Variants in URI1 observed in about 807,000 individuals in gnomAD.
URI1 encodes the protein unconventional prefoldin RPB5 interactor 1.
Under a neutral mutation model 60.2 loss-of-function variants are expected in URI1, and 39 were observed. That is an observed-to-expected ratio of 0.65 (90% CI 0.50 to 0.85). The LOEUF (loss-of-function observed/expected upper bound fraction) is 0.85. URI1 is among the 40% of genes least tolerant of loss of function. The pLI, the probability that URI1 is intolerant of heterozygous loss-of-function variation, is 0.00. For synonymous variants in URI1, 251 were observed against 236.8 expected, an observed-to-expected ratio of 1.06 and a Z score of -0.55; for missense variants, 691 against 665.9, an observed-to-expected ratio of 1.04 and a Z score of -0.42.
intron 1 of URI1, among the ~76,000 whole-genome samples, chr19:29,959,394 A>C (rs958713684): frequency 1.3e-5 from 2 of 152,178 alleles, no homozygotes; most frequent in Non-Finnish European, 2.9e-5. Context: ...TCCCAAAATG[A>C]TGGACTACAG....
intron 1 of URI1, among the ~76,000 whole-genome samples, chr19:29,926,794 G>C (rs2054872037): frequency 6.6e-6 from 1 of 152,250 alleles, no homozygotes; most frequent in African/African-American, 2.4e-5. Flanking sequence ...GGCTTCCCTG[G>C]AGAGGGGTCT....
At chr19:29,936,559 G>A (rs775671769) in intron 1 of URI1, among the ~76,000 whole-genome samples, 8 of 152,024 alleles carry the variant, frequency 5.3e-5, no homozygotes, top group African/African-American at 9.7e-5. Flanking sequence ...TGAGTTTCTC[G>A]CGCTTGTAAT....
At chr19:29,951,588 C>CTTTTTTTTT (rs2055180880) in intron 1 of URI1, among the ~76,000 whole-genome samples, 1 of 151,526 alleles carries the variant, frequency 6.6e-6, no homozygotes, top group African/African-American at 2.4e-5. Flanking sequence ...TTCTTGTTGC[C>CTTTTTTTTT]TAGGCTGGAG....
At chr19:29,956,056 C>A (rs968156233) in intron 1 of URI1, among the ~76,000 whole-genome samples, 1 of 149,006 alleles carries the variant, frequency 6.7e-6, no homozygotes, top group Admixed American at 6.7e-5. Context: ...GTGGTCTTGG[C>A]TCATTGCAAC....
intron 1 of URI1, among the ~76,000 whole-genome samples, chr19:29,963,703 TC>T (rs1295320461): frequency 6.6e-6 from 1 of 152,166 alleles, no homozygotes; most frequent in Non-Finnish European, 1.5e-5. Flanking sequence ...GGTGATAACT[TC>T]CTCTGGAAAA....
chr19:30,009,236 T>TGAC lies in URI1; in HGVS notation c.931_933dup (p.Asp311dup), dbSNP rs774754630. The stretch of plus-strand genomic sequence containing the variant: ...GTGATGATGATGATGATGATGATGA[T>TGAC]GACGACGACGACGACAACATTGACG... On this transcript the variant is annotated inframe_insertion, in exon 8 of 11. Coordinates refer to ENST00000392271, the MANE Select transcript of URI1 (RefSeq NM_003796.3). 11 of 475,392 alleles carry TGAC rather than the reference T, an allele frequency of 2.3e-5. No individual in the cohort carries two copies. The highest frequency in any genetic ancestry group is 1.9e-4 in the African/African-American group (8 of 42,130). The allele number at this position is 475,392 out of a possible 1,614,324, so 29.4% of individuals were successfully genotyped here. A position where few individuals can be genotyped will look rare whatever the true frequency, so the allele number is the denominator to read the frequency against.
At chr19:29,953,311 C>G (rs897671991) in intron 1 of URI1, among the ~76,000 whole-genome samples, 1 of 152,086 alleles carries the variant, frequency 6.6e-6, no homozygotes, top group Non-Finnish European at 1.5e-5. Flanking sequence ...TCACATTTGG[C>G]TATTGACTGT....
rs1438087517 is a variant in URI1 at position 30,009,028 on chromosome 19, A to G, written c.710A>G (p.Asn237Ser). 6.2e-7 allele frequency: 1 copy of G among 1,611,248 alleles called. No individual in the cohort carries two copies. The highest frequency in any genetic ancestry group is 1.1e-5 in the South Asian group (1 of 90,820). The part of the protein sequence containing the change: ...LDSKPDTVIA[N>S]GEDTTSSEEE... ...AGTAAGCCTGATACTGTGATTGCAA[A>G]TGGAGAAGATACGACATCTTCTGAA... Residue 237 changes from asparagine (N) to serine (S), a missense_variant, in exon 8 of 11, where the codon AAT (asparagine) becomes AGT (serine). Physicochemically the swap from Asn to Ser is conservative, Grantham distance 46 (BLOSUM62 1). Coordinates refer to ENST00000392271, the MANE Select transcript of URI1 (RefSeq NM_003796.3).
chr19:29,964,953 C>T (rs2055374308), intron 1 of URI1, among the ~76,000 whole-genome samples: 1 of 151,294 alleles, frequency 6.6e-6, no homozygotes, highest in Admixed American at 6.6e-5. Context: ...ACCTGTGTGG[C>T]AAGTTTGCTA....
intron 8 of URI1, 45 bp from the exon 9 acceptor site, chr19:30,011,049 T>C: frequency 6.3e-7 from 1 of 1,584,108 alleles, no homozygotes; most frequent in Non-Finnish European, 8.6e-7. Context: ...TTCACTTTGA[T>C]TTAATTTGTC....
At position 29,954,982 on chromosome 19, in the gene URI1, T is replaced by C. The variant is rs2055226238; in HGVS notation, c.117+12318T>C. On this transcript the variant is annotated intron_variant, in intron 1 of 10. Coordinates refer to ENST00000392271, the MANE Select transcript of URI1 (RefSeq NM_003796.3). ...ATGATAAACCTGGGAATTACTCTGG[T>C]TCATAGAGATATTCCTCATCATTTT... Among the ~76,000 whole-genome samples, 7 of 152,194 alleles carry C rather than the reference T, an allele frequency of 4.6e-5. No individual in the cohort carries two copies. The South Asian group carries it at 1.5e-3, about 32-fold the overall frequency.
Position 30,007,638 on chromosome 19 carries a change from G to T in URI1, c.686G>T (p.Ser229Ile). 6.3e-7 allele frequency: 1 copy of T among 1,581,784 alleles called. No homozygotes were observed. Among genetic ancestry groups the T allele is most frequent in the Non-Finnish European group, 8.6e-7 (1 of 1,166,564 alleles). ...RQEELLGELD[S>I]KPDTVIANGE... ...GAAGAATTGCTGGGTGAACTTGATA[G>T]GTACTTGATGACAAATTATCTTTCC... Residue 229 changes from serine to isoleucine, a missense_variant and splice_region_variant, in exon 7 of 11, where the codon AGT (serine) becomes ATT (isoleucine). Transcript: ENST00000392271.
chr19:29,990,223 G>T (rs2145389872), intron 4 of URI1, among the ~76,000 whole-genome samples: 1 of 152,242 alleles, frequency 6.6e-6, no homozygotes, highest in East Asian at 1.9e-4. Context: ...CACTAGGATG[G>T]TTATAATAAA....
intron 2 of URI1, among the ~76,000 whole-genome samples, chr19:29,979,189 G>A (rs1315149229): frequency 1.3e-5 from 2 of 152,262 alleles, no homozygotes; most frequent in East Asian, 3.9e-4. Flanking sequence ...GCTTAAGTCA[G>A]CTATAAACTC....
At chr19:29,997,201 T>C (rs929178892) in intron 4 of URI1, among the ~76,000 whole-genome samples, 1 of 152,192 alleles carries the variant, frequency 6.6e-6, no homozygotes, top group African/African-American at 2.4e-5. Context: ...TTCTTGGTCC[T>C]TTCTTTGTTG....
At chr19:29,964,452 G>GTTTTTTTT (rs1380907956) in intron 1 of URI1, among the ~76,000 whole-genome samples, 31 of 137,290 alleles carry the variant, frequency 2.3e-4, no homozygotes, top group African/African-American at 8.5e-4. Context: ...TTTTGTTTTT[G>GTTTTTTTT]TTTTTTGTTT....
At chr19:29,942,021 C>T (rs1428886586), upstream of URI1, among the ~76,000 whole-genome samples, 1 of 130,216 alleles carries the variant, frequency 7.7e-6, no homozygotes, top group Non-Finnish European at 1.6e-5. Flanking sequence ...ATATTTAGTG[C>T]TTTCATATAC....
chr19:30,000,502 C>T (rs530523639), intron 4 of URI1, among the ~76,000 whole-genome samples: 1 of 151,914 alleles, frequency 6.6e-6, no homozygotes, highest in Non-Finnish European at 1.5e-5. Context: ...CTCTTATATT[C>T]CTTATACTCC....
intron 10 of URI1, 113 bp from the exon 11 acceptor site, chr19:30,014,774 A>G: frequency 9.1e-7 from 1 of 1,102,742 alleles, no homozygotes; most frequent in Non-Finnish European, 1.3e-6. Flanking sequence ...TTGTCTAGCC[A>G]AAAATCTCGT....
Sources: gnomAD v4.1 joint callset for allele counts (sites outside exome capture counted in the v4.1 genomes callset) on GRCh38, gnomAD v4.1.1 for gene constraint, MANE v1.5 for transcripts, NCBI Gene and HGNC (gene_info 2026-07-23, HGNC 2026-07-21) for gene names.